Variants in PRKAR1B observed in about 807,000 individuals in gnomAD.
PRKAR1B encodes cAMP-dependent protein kinase type I-beta regulatory subunit.
PRKAR1B carries 22 observed loss-of-function variants against 46.5 expected under a neutral mutation model. That is an observed-to-expected ratio of 0.47 (90% confidence interval 0.34 to 0.68). The LOEUF (loss-of-function observed/expected upper bound fraction) is 0.68, where lower values mean the gene tolerates loss of function less well. PRKAR1B is among the 30% of genes least tolerant of loss of function. PRKAR1B has a pLI of 0.01. For synonymous variants in PRKAR1B, 259 were observed against 217.7 expected (o/e 1.19, Z -1.67); for missense variants, 445 against 535.6 (o/e 0.83, Z 1.67).
At chr7:615,920 A>T (rs1782791522) in intron 4 of PRKAR1B, among the ~76,000 whole-genome samples, 1 of 151,858 alleles carries the variant, frequency 6.6e-6, no homozygotes, top group Admixed American at 6.6e-5. Context: ...GAAAGAGAGA[A>T]AAAAAGGAAG....
intron 9 of PRKAR1B, among the ~76,000 whole-genome samples, chr7:556,486 C>T (rs112296962): frequency 1.3e-4 from 20 of 152,224 alleles, no homozygotes; most frequent in Non-Finnish European, 2.6e-4. Context: ...GGGTAAAACA[C>T]CGTCAATAAC....
At chr7:702,938 T>C (rs1210843944) in intron 2 of PRKAR1B, among the ~76,000 whole-genome samples, 1 of 151,930 alleles carries the variant, frequency 6.6e-6, no homozygotes, top group African/African-American at 2.4e-5. Flanking sequence ...AGTATTTTCT[T>C]TTTAAAAAGT....
chr7:557,640 G>T (rs1778528041), intron 9 of PRKAR1B, among the ~76,000 whole-genome samples: 1 of 152,148 alleles, frequency 6.6e-6, no homozygotes, highest in Non-Finnish European at 1.5e-5. Context: ...CCACGACATG[G>T]GCGGCCGCCG....
chr7:589,260 G>T (rs978279095), intron 7 of PRKAR1B, among the ~76,000 whole-genome samples: 1 of 151,662 alleles, frequency 6.6e-6, no homozygotes, highest in African/African-American at 2.4e-5. Flanking sequence ...CTCCTTCTCT[G>T]TCCTCCCAAA....
At chr7:651,819 G>A (rs1362075350) in intron 4 of PRKAR1B, among the ~76,000 whole-genome samples, 6 of 81,970 alleles carry the variant, frequency 7.3e-5, no homozygotes, top group African/African-American at 2.1e-4. Flanking sequence ...AACCCCTCTC[G>A]GAAGACAGTT....
At chr7:595,972 G>A (rs1781247741) in intron 7 of PRKAR1B, among the ~76,000 whole-genome samples, 174 bp downstream of exon 7, 1 of 152,208 alleles carries the variant, frequency 6.6e-6, no homozygotes, top group Non-Finnish European at 1.5e-5. Context: ...TGTCTTCTAA[G>A]AAGCTTCCAG....
intron 4 of PRKAR1B, among the ~76,000 whole-genome samples, chr7:632,214 A>T (rs1160971674): frequency 6.6e-6 from 1 of 152,112 alleles, no homozygotes; most frequent in Non-Finnish European, 1.5e-5. Context: ...CCTCATTAAA[A>T]ATCATTCCTT....
intron 4 of PRKAR1B, among the ~76,000 whole-genome samples, chr7:639,796 G>A (rs970919813): frequency 6.6e-6 from 1 of 151,946 alleles, no homozygotes; most frequent in Non-Finnish European, 1.5e-5. Context: ...CGAGGCTGCG[G>A]TGAGCCATGA....
chr7:680,255 G>A (rs1341063553), intron 3 of PRKAR1B, among the ~76,000 whole-genome samples: 1 of 152,016 alleles, frequency 6.6e-6, no homozygotes, highest in Non-Finnish European at 1.5e-5. Flanking sequence ...CCAAGGACCT[G>A]GATGCCAGCG....
chr7:622,939 A>G (rs1783190176), intron 4 of PRKAR1B, among the ~76,000 whole-genome samples: 1 of 152,196 alleles, frequency 6.6e-6, no homozygotes. Flanking sequence ...GCTGGGGAAG[A>G]ACCTCTCTCC....
chr7:719,971 T>C (rs1193232701), intron 1 of PRKAR1B, among the ~76,000 whole-genome samples: 2 of 152,096 alleles, frequency 1.3e-5, no homozygotes, highest in Admixed American at 6.6e-5. Flanking sequence ...CTAATCTCCA[T>C]GTGTGAAGAT....
At chr7:659,497 G>A (rs963802690) in intron 4 of PRKAR1B, among the ~76,000 whole-genome samples, 9 of 152,154 alleles carry the variant, frequency 5.9e-5, no homozygotes, top group South Asian at 2.1e-4. Flanking sequence ...GTCCCGAGCC[G>A]GAATATTCTG....
intron 1 of PRKAR1B, among the ~76,000 whole-genome samples, chr7:721,076 A>G (rs546748880): frequency 2.0e-5 from 3 of 152,308 alleles, no homozygotes; most frequent in Admixed American, 2.0e-4. Context: ...ATACATATGC[A>G]ACCCATCGGT....
chr7:722,003 A>G (rs1781090681), intron 1 of PRKAR1B, among the ~76,000 whole-genome samples: 1 of 147,074 alleles, frequency 6.8e-6, no homozygotes, highest in Admixed American at 6.8e-5. Context: ...GTGTCTTAGT[A>G]TGGGGTTTTT....
At chr7:595,058 C>T (rs1308077225) in intron 7 of PRKAR1B, among the ~76,000 whole-genome samples, 1 of 152,228 alleles carries the variant, frequency 6.6e-6, no homozygotes, top group Admixed American at 6.5e-5. Context: ...CCCACCGTGG[C>T]TCCTGAGCAC....
At chr7:647,209 C>T (rs1459620098) in intron 4 of PRKAR1B, among the ~76,000 whole-genome samples, 3 of 152,118 alleles carry the variant, frequency 2.0e-5, no homozygotes, top group East Asian at 1.9e-4. Flanking sequence ...CCCCAACCTG[C>T]GGATCAGCCT....
At chr7:715,353 G>A (rs757782180) in intron 1 of PRKAR1B, among the ~76,000 whole-genome samples, 25 of 152,082 alleles carry the variant, frequency 1.6e-4, no homozygotes, top group South Asian at 6.2e-4. Context: ...ACACAAAGAG[G>A]GGTCTGGTGA....
chr7:596,367 A>C, intron 6 of PRKAR1B, 63 bp from the exon 7 acceptor site: 1 of 1,548,578 alleles, frequency 6.5e-7, no homozygotes, highest in Non-Finnish European at 8.8e-7. Context: ...TCTGCATCCC[A>C]TACAGAAAGT....
chr7:703,924 AT>A lies in PRKAR1B; in HGVS notation c.177+7404del, dbSNP rs1780187146. On this transcript the variant is annotated intron_variant, in intron 2 of 10. Transcript: ENST00000537384. ...TAAATAACAGAGAGATATCAAAAAA[AT>A]CCCCAAATATTTGGAAATTAGACAA... Among the ~76,000 whole-genome samples, 4 of 152,344 alleles carry A rather than the reference AT, an allele frequency of 2.6e-5. No individual in the cohort carries two copies. In the South Asian group the frequency reaches 6.2e-4, roughly 24 times the overall value.
Sources: gnomAD v4.1 joint callset for allele counts (sites outside exome capture counted in the v4.1 genomes callset) on GRCh38, gnomAD v4.1.1 for gene constraint, MANE v1.5 for transcripts, NCBI Gene and HGNC (gene_info 2026-07-23, HGNC 2026-07-21) for gene names.